RAB11FIP1: variants seen among roughly 807,000 people sequenced by gnomAD.
RAB11FIP1 encodes rab11 family-interacting protein 1.
A neutral mutation model predicts 83.1 loss-of-function variants in RAB11FIP1; 49 were observed. The ratio of observed to expected loss-of-function variants is 0.59; its 90% CI spans 0.47 to 0.75. RAB11FIP1 has a LOEUF of 0.75. RAB11FIP1 is among the 30% of genes least tolerant of loss of function. The probability of loss-of-function intolerance (pLI) is 0.00; values close to 1 mark genes in which losing one functional copy is unlikely to be tolerated. For missense variants in RAB11FIP1, 1,536 were observed against 1,598.7 expected (o/e 0.96, Z 0.67); for synonymous variants, 670 against 656.0 (o/e 1.02, Z -0.33).
chr8:37,872,397 T>C lies in RAB11FIP1; in HGVS notation c.2405A>G (p.Gln802Arg). ...EEMGLNLRKD[Q>R]KKTKKRVSFS... ...TGACACACGCTTCTTGGTTTTCTTC[T>C]GGTCCTTGCGGAGGTTCAGACCCAT... Residue 802 changes from glutamine to arginine, a missense_variant, in exon 4 of 6, where the codon CAG (glutamine) becomes CGG (arginine). By Grantham distance (43) the Gln-to-Arg change is conservative. Coordinates refer to ENST00000330843, the MANE Select transcript of RAB11FIP1 (RefSeq NM_001002814.3). The C allele has an allele frequency of 1.2e-6, 2 of 1,614,200 alleles. No homozygotes were observed. The highest frequency in any genetic ancestry group is 1.7e-6 in the Non-Finnish European group (2 of 1,180,036).
intron 1 of RAB11FIP1, among the ~76,000 whole-genome samples, chr8:37,886,632 C>A (rs1806840643): frequency 1.3e-5 from 2 of 152,184 alleles, no homozygotes; most frequent in Non-Finnish European, 2.9e-5. Context: ...GAGTCATCTC[C>A]ACGTTAACCA....
In RAB11FIP1 at chr8:37,861,026, C is replaced by T. The variant is rs1056247686; in HGVS notation, c.*1869G>A. Reference sequence around the variant, plus strand: ...CACGCTATTAGCCTGTGATATTCTTCCCCTAGGAGAGATGTCAAGATTAGA... The same window carrying T: ...CACGCTATTAGCCTGTGATATTCTTTCCCTAGGAGAGATGTCAAGATTAGA... On this transcript the variant is annotated 3_prime_UTR_variant, in exon 6 of 6. Coordinates refer to ENST00000330843, the MANE Select transcript of RAB11FIP1 (RefSeq NM_001002814.3). 6.6e-6 allele frequency: 1 copy of T among 152,392 alleles called. No homozygotes were observed. Among genetic ancestry groups the T allele is most frequent in the Non-Finnish European group, 1.5e-5 (1 of 68,190 alleles). 9.4% of individuals were successfully genotyped at this position (152,392 alleles called of 1,614,324 possible). A position where few individuals can be genotyped will look rare whatever the true frequency, so the allele number is the denominator to read the frequency against.
At chr8:37,876,544 G>A (rs1434914383) in intron 2 of RAB11FIP1, among the ~76,000 whole-genome samples, 1 of 151,770 alleles carries the variant, frequency 6.6e-6, no homozygotes, top group East Asian at 1.9e-4. Flanking sequence ...GCTGCCGTAA[G>A]CTATGATCGC....
Position 37,861,350 on chromosome 8 carries a change from C to T in RAB11FIP1, c.*1545G>A. 4.0e-6 allele frequency: 1 copy of T among 247,334 alleles called. No homozygotes were observed. The highest frequency in any genetic ancestry group is 8.1e-6 in the Non-Finnish European group (1 of 123,370). The allele number at this position is 247,334 out of a possible 1,614,324, so 15.3% of individuals were successfully genotyped here. A position where few individuals can be genotyped will look rare whatever the true frequency, so the allele number is the denominator to read the frequency against. On this transcript the variant is annotated 3_prime_UTR_variant, in exon 6 of 6. Transcript: ENST00000330843. ...AGCAACCATTTGAAGGCTGAGGCAC[C>T]TGTTTTCTACTGACTTTTAACTTTT...
chr8:37,869,506 C>T (rs893123859), intron 5 of RAB11FIP1, among the ~76,000 whole-genome samples: 4 of 152,092 alleles, frequency 2.6e-5, no homozygotes, highest in African/African-American at 7.2e-5. Flanking sequence ...GCAGGAGAAT[C>T]GCTTAAACCC....
intron 1 of RAB11FIP1, among the ~76,000 whole-genome samples, chr8:37,898,509 C>T (rs1807138952): frequency 6.6e-6 from 1 of 152,082 alleles, no homozygotes; most frequent in Non-Finnish European, 1.5e-5. Flanking sequence ...AAAAATTAGC[C>T]GGGCGTGGTG....
rs538656790 is a variant in RAB11FIP1, at chr8:37,867,518, G to A, written c.3633+2902C>T. ...TCAGGAGTTCAAGACCAGCCTGACCGACATGGTAGAACCCCGTCTCTATTA... is the reference window on the plus strand; with the variant it reads ...TCAGGAGTTCAAGACCAGCCTGACCAACATGGTAGAACCCCGTCTCTATTA... On this transcript the variant is annotated intron_variant, in intron 5 of 5. Coordinates refer to ENST00000330843, the MANE Select transcript of RAB11FIP1 (RefSeq NM_001002814.3). 5.9e-5 allele frequency among the ~76,000 whole-genome samples: 9 copies of A among 152,032 alleles called. No homozygotes were observed. In the South Asian group the frequency reaches 8.3e-4, roughly 14 times the overall value.
chr8:37,877,873 C>G (rs1169577778), intron 1 of RAB11FIP1: 1 of 194,940 alleles, frequency 5.1e-6, no homozygotes, highest in African/African-American at 2.3e-5. Context: ...GAGCGCGTGA[C>G]CATGTCCAGC....
At chr8:37,873,757 G>C (rs974057714) in intron 3 of RAB11FIP1, among the ~76,000 whole-genome samples, 1 of 152,170 alleles carries the variant, frequency 6.6e-6, no homozygotes, top group Non-Finnish European at 1.5e-5. Context: ...CAAGGCCCGA[G>C]CATTTGATTA....
At position 37,876,252 on chromosome 8, in the gene RAB11FIP1, AG is replaced by A. The variant is rs1159174931; in HGVS notation, c.814+856del. Among the ~76,000 whole-genome samples, 239 of 146,890 alleles carry A rather than the reference AG, an allele frequency of 1.6e-3. 2 individuals carry two copies. Among genetic ancestry groups the A allele is most frequent in the African/African-American group, 5.9e-3 (217 of 36,954 alleles). On this transcript the variant is annotated intron_variant, in intron 2 of 5. Coordinates refer to ENST00000330843, the MANE Select transcript of RAB11FIP1 (RefSeq NM_001002814.3). The stretch of plus-strand genomic sequence containing the variant: ...AAGGAAGGAAGGAAGGAAGGAAGGA[AG>A]GAAGGAAGGAAGAAAGAAGGAAAGA...
chr8:37,877,223 A>G lies in RAB11FIP1; in HGVS notation c.700T>C (p.Ser234Pro), dbSNP rs757532644. The change falls in exon 2 of 6, where the codon TCC (serine) becomes CCC (proline). Residue 234 changes from serine (S) to proline (P), a missense_variant. Coordinates refer to ENST00000330843, the MANE Select transcript of RAB11FIP1 (RefSeq NM_001002814.3). ...SNLQKTPLSQ[S>P]MSVLPTSKPE... ...TTTGAAGTCGGCAGGACAGACATGG[A>G]CTGGGAAAGAGGCGTCTTCTGCAAA... The G allele has an allele frequency of 8.1e-6, 13 of 1,614,120 alleles. No homozygotes were observed. The Admixed American group carries it at 2.0e-4, about 25-fold the overall frequency.
At chr8:37,880,153 G>A (rs1411952212) in intron 1 of RAB11FIP1, among the ~76,000 whole-genome samples, 1 of 151,972 alleles carries the variant, frequency 6.6e-6, no homozygotes, top group Non-Finnish European at 1.5e-5. Context: ...TATACCTTTG[G>A]TGAACTGTAA....
rs1009225141 is a variant in RAB11FIP1, at chr8:37,862,815, T to C, written c.*80A>G. 2 of 1,114,254 alleles carry C rather than the reference T, an allele frequency of 1.8e-6. No individual in the cohort carries two copies. Among genetic ancestry groups the C allele is most frequent in the Non-Finnish European group, 2.6e-6 (2 of 761,864 alleles). The allele number at this position is 1,114,254 out of a possible 1,614,324, so 69.0% of individuals were successfully genotyped here. On this transcript the variant is annotated 3_prime_UTR_variant, in exon 6 of 6. Transcript: ENST00000330843. ...TGATTCGGAGCCTGCTGGCTGGTTA[T>C]CAGGCAAGGCAAGTCCTTGACCCCT... is the stretch of plus-strand genomic sequence containing the variant.
At position 37,872,414 on chromosome 8, in the gene RAB11FIP1, C is replaced by G. The variant is rs1806489579; in HGVS notation, c.2388G>C (p.Leu796=). 1 of 1,614,176 alleles carries G rather than the reference C, an allele frequency of 6.2e-7. No individual in the cohort carries two copies. Among genetic ancestry groups the G allele is most frequent in the African/African-American group, 1.3e-5 (1 of 75,032 alleles). Residue 796 remains leucine, a synonymous_variant, in exon 4 of 6, where the codon CTG becomes CTC. Transcript: ENST00000330843. ...TTTTCTTCTGGTCCTTGCGGAGGTT[C>G]AGACCCATCTCTTCCAGCTTCCGCA... The part of the protein sequence containing the change: ...SMMRKLEEMG[L]NLRKDQKKTK...
At chr8:37,877,604 T>C in intron 1 of RAB11FIP1, 53 bp from the exon 2 acceptor site, 1 of 1,189,504 alleles carries the variant, frequency 8.4e-7, no homozygotes, top group African/African-American at 1.5e-5. Flanking sequence ...ACTGCAACAA[T>C]GTTCACAATC....
chr8:37,892,899 C>T (rs1313448223), intron 1 of RAB11FIP1, among the ~76,000 whole-genome samples: 2 of 152,106 alleles, frequency 1.3e-5, no homozygotes, highest in African/African-American at 2.4e-5. Flanking sequence ...GGCCCCCTTC[C>T]TCCACTCCTC....
chr8:37,893,011 A>G (rs1300013499), intron 1 of RAB11FIP1, among the ~76,000 whole-genome samples: 1 of 150,406 alleles, frequency 6.6e-6, no homozygotes, highest in East Asian at 1.9e-4. Context: ...CTTCTATAAT[A>G]TCCTGTCCTC....
At position 37,872,405 on chromosome 8, in the gene RAB11FIP1, G is replaced by C; in HGVS notation, c.2397C>G (p.Arg799=). 3 of 1,614,184 alleles carry C rather than the reference G, an allele frequency of 1.9e-6. No homozygotes were observed. The highest frequency in any genetic ancestry group is 2.5e-6 in the Non-Finnish European group (3 of 1,180,030). Reference sequence around the variant, plus strand: ...GCTTCTTGGTTTTCTTCTGGTCCTTGCGGAGGTTCAGACCCATCTCTTCCA... The same window carrying C: ...GCTTCTTGGTTTTCTTCTGGTCCTTCCGGAGGTTCAGACCCATCTCTTCCA... The part of the protein sequence containing the change: ...RKLEEMGLNL[R]KDQKKTKKRV... Residue 799 remains arginine, a synonymous_variant, in exon 4 of 6, where the codon CGC becomes CGG. Transcript: ENST00000330843.
At position 37,894,723 on chromosome 8, in the gene RAB11FIP1, C is replaced by CATATATATAT. The variant is rs140765783; in HGVS notation, c.371+4338_371+4347dup. Among the ~76,000 whole-genome samples the CATATATATAT allele has an allele frequency of 3.4e-4, 48 of 142,040 alleles. 1 individual carries two copies. Among genetic ancestry groups the CATATATATAT allele is most frequent in the African/African-American group, 1.2e-3 (47 of 37,946 alleles). 93.2% of individuals were successfully genotyped at this position (142,040 alleles called of 152,430 possible). On this transcript the variant is annotated intron_variant, in intron 1 of 5. Transcript: ENST00000330843. ...ATACATATATATACATATATATATA[C>CATATATATAT]ATATATATATATATATACACACACA...
Sources: gnomAD v4.1 joint callset for allele counts (sites outside exome capture counted in the v4.1 genomes callset) on GRCh38, gnomAD v4.1.1 for gene constraint, MANE v1.5 for transcripts, NCBI Gene and HGNC (gene_info 2026-07-23, HGNC 2026-07-21) for gene names.